Variants in WDR70 observed in about 807,000 individuals in gnomAD.
WDR70 encodes WD repeat domain 70, also known as WD repeat-containing protein 70.
In WDR70, 53 loss-of-function variants were observed where a neutral mutation model predicts 88.6. The observed-to-expected ratio is 0.60, with a 90% CI of 0.48 to 0.75. The LOEUF (loss-of-function observed/expected upper bound fraction) is 0.75, where lower values mean the gene tolerates loss of function less well. WDR70 is among the 30% of genes least tolerant of loss of function. WDR70 has a pLI of 0.00. For missense variants in WDR70, 610 were observed against 823.2 expected (o/e 0.74, Z 3.17); for synonymous variants, 280 against 270.0 (o/e 1.04, Z -0.36).
intron 9 of WDR70, among the ~76,000 whole-genome samples, chr5:37,564,608 C>CGGTGGG: frequency 1.2e-5 from 1 of 86,512 alleles, no homozygotes; most frequent in Admixed American, 1.3e-4. Flanking sequence ...AGAGGGAGAG[C>CGGTGGG]GAGGCTTAAT....
At chr5:37,462,128 G>A (rs1739025143) in intron 7 of WDR70, among the ~76,000 whole-genome samples, 1 of 151,934 alleles carries the variant, frequency 6.6e-6, no homozygotes, top group African/African-American at 2.4e-5. Flanking sequence ...TTTGGAGTAG[G>A]GAAGTCTGAT....
chr5:37,488,495 T>C (rs1739962749), intron 8 of WDR70, among the ~76,000 whole-genome samples: 1 of 99,130 alleles, frequency 1.0e-5, no homozygotes, highest in Middle Eastern at 5.4e-3. Context: ...TTCTTTTTTG[T>C]TCTTTACTTT....
intron 5 of WDR70, among the ~76,000 whole-genome samples, chr5:37,400,933 C>A (rs1665951909): frequency 6.6e-6 from 1 of 152,094 alleles, no homozygotes; most frequent in Non-Finnish European, 1.5e-5. Context: ...AGGATGAGAT[C>A]AAATCCAGAA....
intron 9 of WDR70, among the ~76,000 whole-genome samples, chr5:37,586,401 A>G (rs1743365256): frequency 6.6e-6 from 1 of 152,172 alleles, no homozygotes; most frequent in South Asian, 2.1e-4. Context: ...TTTAATACTC[A>G]TGATCACACC....
intron 9 of WDR70, among the ~76,000 whole-genome samples, chr5:37,517,101 G>A (rs1415292868): frequency 6.6e-6 from 1 of 152,174 alleles, no homozygotes; most frequent in Non-Finnish European, 1.5e-5. Flanking sequence ...ATGAAAACGA[G>A]AGTGGTATAA....
chr5:37,627,896 T>C (rs1744711591), intron 10 of WDR70, among the ~76,000 whole-genome samples: 3 of 152,108 alleles, frequency 2.0e-5, no homozygotes, highest in Admixed American at 2.0e-4. Flanking sequence ...AGTTGTTAGG[T>C]GAAATATTCT....
intron 9 of WDR70, among the ~76,000 whole-genome samples, chr5:37,581,452 A>G (rs1743214495): frequency 6.6e-6 from 1 of 152,166 alleles, no homozygotes; most frequent in Non-Finnish European, 1.5e-5. Flanking sequence ...GGAGTTAAAA[A>G]CAGGCAAAAT....
intron 9 of WDR70, among the ~76,000 whole-genome samples, chr5:37,542,809 A>T (rs1741868580): frequency 6.6e-6 from 1 of 152,200 alleles, no homozygotes; most frequent in Non-Finnish European, 1.5e-5. Flanking sequence ...AATTTTTATT[A>T]TTAGGTGATA....
chr5:37,431,392 T>C (rs1459147242), intron 5 of WDR70, among the ~76,000 whole-genome samples: 1 of 152,184 alleles, frequency 6.6e-6, no homozygotes, highest in Admixed American at 6.5e-5. Flanking sequence ...TTTTTTTCTT[T>C]TTTCCATTCC....
intron 5 of WDR70, among the ~76,000 whole-genome samples, chr5:37,424,405 C>G (rs756940646): frequency 8.8e-6 from 1 of 113,228 alleles, no homozygotes; most frequent in Non-Finnish European, 2.1e-5. Context: ...TAATTTTTTT[C>G]CATTTTTTTT....
intron 3 of WDR70, among the ~76,000 whole-genome samples, chr5:37,383,106 A>G (rs1561831083): frequency 6.6e-6 from 1 of 152,164 alleles, no homozygotes; most frequent in East Asian, 1.9e-4. Flanking sequence ...AAAATATAAA[A>G]CAAAATAACT....
At chr5:37,731,099 A>G (rs1748131657) in intron 17 of WDR70, among the ~76,000 whole-genome samples, 1 of 152,122 alleles carries the variant, frequency 6.6e-6, no homozygotes. Flanking sequence ...TGTCCTGGTC[A>G]GGGCCATGGC....
intron 9 of WDR70, among the ~76,000 whole-genome samples, chr5:37,568,998 G>A (rs1340644696): frequency 6.6e-6 from 1 of 152,142 alleles, no homozygotes; most frequent in Non-Finnish European, 1.5e-5. Flanking sequence ...GTTCTCACCA[G>A]TCACCCCATC....
At chr5:37,746,584 G>T (rs568726728) in intron 17 of WDR70, among the ~76,000 whole-genome samples, 1 of 152,038 alleles carries the variant, frequency 6.6e-6, no homozygotes, top group Non-Finnish European at 1.5e-5. Flanking sequence ...TAATAAAAGG[G>T]ATATCACCAC....
At chr5:37,496,653 A>G (rs1014070520) in intron 8 of WDR70, among the ~76,000 whole-genome samples, 25 of 152,232 alleles carry the variant, frequency 1.6e-4, no homozygotes, top group African/African-American at 6.0e-4. Flanking sequence ...ACTCTAATCA[A>G]TAAATATCAG....
chr5:37,394,708 C>T (rs1748955626), intron 4 of WDR70, among the ~76,000 whole-genome samples: 1 of 151,994 alleles, frequency 6.6e-6, no homozygotes, highest in Non-Finnish European at 1.5e-5. Flanking sequence ...AGAAAGAGGC[C>T]GTGTAACAAT....
chr5:37,445,287 A>G (rs1738425547), intron 7 of WDR70, among the ~76,000 whole-genome samples: 1 of 41,858 alleles, frequency 2.4e-5, no homozygotes, highest in South Asian at 1.6e-3. Context: ...AGAACTTCGT[A>G]GAGAGATAGT....
intron 10 of WDR70, among the ~76,000 whole-genome samples, chr5:37,669,392 CTT>C (rs74326452): frequency 5.4e-3 from 571 of 105,164 alleles, no homozygotes; most frequent in African/African-American, 0.021. Context: ...ACATAATTAT[CTT>C]TTTTTTAAAA....
chr5:37,649,733 C>CTTCTTTTTT (rs1384336784), intron 10 of WDR70, among the ~76,000 whole-genome samples: 42 of 68,740 alleles, frequency 6.1e-4, no homozygotes, highest in South Asian at 1.3e-3. Context: ...GTTATTACTT[C>CTTCTTTTTT]TTTTTTTTTT....
Sources: allele counts gnomAD v4.1 joint callset (sites outside exome capture counted in the v4.1 genomes callset), GRCh38; gene constraint gnomAD v4.1.1; transcripts MANE v1.5; gene names NCBI Gene and HGNC (gene_info 2026-07-23, HGNC 2026-07-21).